The following CWC15 variants were observed in gnomAD, a reference collection of about 807,000 sequenced individuals.
CWC15 encodes the protein spliceosome-associated protein CWC15 homolog.
A neutral mutation model predicts 28.4 loss-of-function variants in CWC15; 12 were observed. The ratio of observed to expected loss-of-function variants is 0.42; its 90% CI spans 0.27 to 0.69. CWC15 has a LOEUF of 0.69. Ranked by LOEUF, CWC15 falls within the 30% of genes least tolerant of loss-of-function variation. CWC15 has a pLI of 0.23. For synonymous variants in CWC15, 92 were observed against 88.4 expected (o/e 1.04, Z -0.23); for missense variants, 192 against 271.5 (o/e 0.71, Z 2.06).
At position 94,963,354 on chromosome 11, in the gene CWC15, TAC is replaced by T. The variant is rs782404409; in HGVS notation, c.*29_*30del. ...AAAGTCAGAATGATCCTTTACGTTT[TAC>T]AGTCTTTAATTAAGCACATAAAACT... On this transcript the variant is annotated 3_prime_UTR_variant, in exon 7 of 7. Coordinates refer to ENST00000279839, the MANE Select transcript of CWC15 (RefSeq NM_016403.4). The T allele has an allele frequency of 1.3e-6, 2 of 1,511,490 alleles. No homozygotes were observed. The highest frequency in any genetic ancestry group is 1.3e-5 in the South Asian group (1 of 76,912). 93.6% of individuals were successfully genotyped at this position (1,511,490 alleles called of 1,614,324 possible). A position where few individuals can be genotyped will look rare whatever the true frequency, so the allele number is the denominator to read the frequency against.
intron 5 of CWC15, 45 bp downstream of exon 5, chr11:94,969,944 T>G (rs1857696644): frequency 7.8e-7 from 1 of 1,278,342 alleles, no homozygotes; most frequent in East Asian, 2.7e-5. Flanking sequence ...TCTACCTTAG[T>G]GTATGTGAGA....
Position 94,966,290 on chromosome 11 carries a change from A to C in CWC15, c.560+5T>G, listed in dbSNP as rs781891590. 7 of 1,450,638 alleles carry C rather than the reference A, an allele frequency of 4.8e-6. No homozygotes were observed. The Admixed American group carries it at 5.9e-5, about 12-fold the overall frequency. 89.9% of individuals were successfully genotyped at this position (1,450,638 alleles called of 1,614,324 possible). On this transcript the variant is annotated splice_donor_5th_base_variant and intron_variant, in intron 6 of 6. Transcript: ENST00000279839. ...ACACTCCATTACTCCGTTACTGTAT[A>C]GTACCTTCTTTTAACTTTGAAGTTG...
chr11:94,966,232 C>T (rs781988586), intron 6 of CWC15, 63 bp downstream of exon 6: 1,868 of 182,748 alleles, frequency 0.01, 5 homozygotes, highest in African/African-American at 0.019. Flanking sequence ...CATATACACA[C>T]ACACACACAC....
chr11:94,968,163 G>A (rs940946923), intron 5 of CWC15, among the ~76,000 whole-genome samples: 2 of 152,142 alleles, frequency 1.3e-5, no homozygotes, highest in Non-Finnish European at 2.9e-5. Flanking sequence ...TGCCACACTT[G>A]TTCACTTATG....
chr11:94,973,047 T>TGGGGG (rs149342141), intron 1 of CWC15, among the ~76,000 whole-genome samples: 9 of 103,212 alleles, frequency 8.7e-5, no homozygotes, highest in South Asian at 3.5e-4. Flanking sequence ...GAGGATTTTT[T>TGGGGG]GGGGGGGGGG....
At chr11:94,971,883 G>A (rs587712381) in intron 2 of CWC15, among the ~76,000 whole-genome samples, 172 bp downstream of exon 2, 8 of 152,190 alleles carry the variant, frequency 5.3e-5, no homozygotes, top group African/African-American at 1.9e-4. Context: ...TGGTTAGTAG[G>A]AATTTCACAT....
chr11:94,969,539 G>C (rs939309698), intron 5 of CWC15, among the ~76,000 whole-genome samples: 2 of 151,748 alleles, frequency 1.3e-5, no homozygotes, highest in Non-Finnish European at 2.9e-5. Flanking sequence ...TCCTCATATT[G>C]TGTAAACAGA....
intron 2 of CWC15, 41 bp from the exon 3 acceptor site, chr11:94,971,528 A>ACG: frequency 1.0e-6 from 1 of 984,248 alleles, no homozygotes. Context: ...TTACTTAAAC[A>ACG]CACACACACA....
In CWC15 at chr11:94,970,100, A is replaced by G. The variant is rs782715580; in HGVS notation, c.334-4T>C. 4 of 1,436,174 alleles carry G rather than the reference A, an allele frequency of 2.8e-6. No homozygotes were observed. The highest frequency in any genetic ancestry group is 3.8e-6 in the Non-Finnish European group (4 of 1,044,990). The allele number at this position is 1,436,174 out of a possible 1,614,324, so 89.0% of individuals were successfully genotyped here. A position where few individuals can be genotyped will look rare whatever the true frequency, so the allele number is the denominator to read the frequency against. ...CTTCAAAATCTTCATCTTCCTCCTA[A>G]AAGAACAGTGAGAGCCCAGAAGATT... On this transcript the variant is annotated splice_region_variant and splice_polypyrimidine_tract_variant and intron_variant, in intron 4 of 6. Coordinates refer to ENST00000279839, the MANE Select transcript of CWC15 (RefSeq NM_016403.4).
chr11:94,965,836 CTG>C (rs587706403), intron 6 of CWC15, among the ~76,000 whole-genome samples: 1 of 152,174 alleles, frequency 6.6e-6, no homozygotes, highest in Non-Finnish European at 1.5e-5. Context: ...CCTCTATTCT[CTG>C]TGTGTGTCTT....
chr11:94,966,604 A>T (rs1199312051), intron 5 of CWC15, among the ~76,000 whole-genome samples, 191 bp from the exon 6 acceptor site: 1 of 151,374 alleles, frequency 6.6e-6, no homozygotes, highest in Non-Finnish European at 1.5e-5. Flanking sequence ...CATCAAAATA[A>T]AATAATTTAG....
At chr11:94,971,285 A>C in intron 3 of CWC15, 90 bp downstream of exon 3, 1 of 1,129,510 alleles carries the variant, frequency 8.9e-7, no homozygotes, top group Non-Finnish European at 1.3e-6. Context: ...GTAAAAGTAA[A>C]CAAATGGTTA....
At chr11:94,969,613 AT>A (rs782083081) in intron 5 of CWC15, among the ~76,000 whole-genome samples, 1 of 152,216 alleles carries the variant, frequency 6.6e-6, no homozygotes, top group Admixed American at 6.5e-5. Flanking sequence ...CTACTGACTG[AT>A]TGCCTTAATA....
rs371647545 is a variant in CWC15, at chr11:94,971,355, G to A, written c.244+20C>T. ...AACAACATAATTTTATGAGACAAAT[G>A]TCTTGGATAGTGTTGGTACCTCGGG... On this transcript the variant is annotated intron_variant, in intron 3 of 6. Coordinates refer to ENST00000279839, the MANE Select transcript of CWC15 (RefSeq NM_016403.4). 29 of 1,547,848 alleles carry A rather than the reference G, an allele frequency of 1.9e-5. No homozygotes were observed. Among genetic ancestry groups the A allele is most frequent in the East Asian group, 6.8e-5 (3 of 44,430 alleles).
At position 94,971,467 on chromosome 11, in the gene CWC15, G is replaced by A. The variant is rs1555096235; in HGVS notation, c.152C>T (p.Pro51Leu). 6.2e-7 allele frequency: 1 copy of A among 1,609,504 alleles called. No individual in the cohort carries two copies. The highest frequency in any genetic ancestry group is 8.5e-7 in the Non-Finnish European group (1 of 1,177,668). ...GAAGTCACGGTTACGAACCTCTTCAGGGGCATCCTGAGTAGTCTGTCTAAA... is the reference window on the plus strand; with the variant it reads ...GAAGTCACGGTTACGAACCTCTTCAAGGGCATCCTGAGTAGTCTGTCTAAA... ...IKYRQTTQDAPEEVRNRDFRR... is the reference protein window; with the variant it reads ...IKYRQTTQDALEEVRNRDFRR... The change falls in exon 3 of 7, where the codon CCT becomes CTT. Residue 51 changes from proline (P) to leucine (L), a missense_variant. By Grantham distance (98) the Pro-to-Leu change is moderately conservative. This residue lies in a region of CWC15 where 188 missense variants were observed against 250.3 expected (regional missense o/e 0.75). Coordinates refer to ENST00000279839, the MANE Select transcript of CWC15 (RefSeq NM_016403.4).
intron 2 of CWC15, 38 bp from the exon 3 acceptor site, chr11:94,971,525 A>AACACACAC (rs3831469): frequency 1.4e-4 from 109 of 781,202 alleles, no homozygotes; most frequent in Non-Finnish European, 1.9e-4. Flanking sequence ...ATGTTACTTA[A>AACACACAC]ACACACACAC....
At chr11:94,969,603 C>A (rs1857690819) in intron 5 of CWC15, among the ~76,000 whole-genome samples, 1 of 152,180 alleles carries the variant, frequency 6.6e-6, no homozygotes, top group East Asian at 1.9e-4. Flanking sequence ...TATATAATAT[C>A]TACTGACTGA....
At chr11:94,970,836 T>C in intron 4 of CWC15, 141 bp downstream of exon 4, 1 of 707,318 alleles carries the variant, frequency 1.4e-6, no homozygotes, top group African/African-American at 1.8e-5. Context: ...CTATAAAGTT[T>C]AGCACTGAGG....
chr11:94,968,736 C>T (rs587774863), intron 5 of CWC15, among the ~76,000 whole-genome samples: 2 of 152,312 alleles, frequency 1.3e-5, no homozygotes, highest in East Asian at 3.9e-4. Flanking sequence ...TCTTCAAAGT[C>T]TATCCCAAAT....
Sources: allele counts gnomAD v4.1 joint callset (sites outside exome capture counted in the v4.1 genomes callset), GRCh38; gene constraint gnomAD v4.1.1; regional missense constraint gnomAD v4.1.1; transcripts MANE v1.5; gene names NCBI Gene and HGNC (gene_info 2026-07-23, HGNC 2026-07-21).